LEPR: variants seen among roughly 807,000 people sequenced by gnomAD.
The protein encoded by LEPR is OB receptor.
Under a neutral mutation model 114.7 loss-of-function variants are expected in LEPR, and 56 were observed. The ratio of observed to expected loss-of-function variants is 0.49; its 90% CI spans 0.39 to 0.61. The LOEUF (loss-of-function observed/expected upper bound fraction) is 0.61, where lower values mean the gene tolerates loss of function less well. Among genes scored for constraint, LEPR ranks in the 20% least tolerant of loss-of-function variants. The pLI is 0.00. For synonymous variants in LEPR, 443 were observed against 461.4 expected, an observed-to-expected ratio of 0.96 and a Z score of 0.51; for missense variants, 1,202 against 1,352.9, an observed-to-expected ratio of 0.89 and a Z score of 1.75.
chr1:65,463,269 GTTGTTTGTGTCAGGTTTCCCCATTGC>G (rs1646968843), intron 2 of LEPR, among the ~76,000 whole-genome samples: 2 of 152,048 alleles, frequency 1.3e-5, no homozygotes, highest in Admixed American at 1.3e-4. Flanking sequence ...TCCCTATTTG[GTTGTTTGTGTCAGGTTTCCCCATTGC>G]TTGTTTGTGT....
intron 11 of LEPR, 82 bp from the exon 12 acceptor site, chr1:65,608,671 T>A: frequency 2.1e-6 from 3 of 1,427,104 alleles, no homozygotes; most frequent in Non-Finnish European, 2.9e-6. Flanking sequence ...TGAATACAGA[T>A]GTATGAAAAT....
At chr1:65,468,804 C>T (rs1325977779) in intron 2 of LEPR, among the ~76,000 whole-genome samples, 1 of 152,184 alleles carries the variant, frequency 6.6e-6, no homozygotes, top group Non-Finnish European at 1.5e-5. Context: ...CTCAAATCCC[C>T]ATAGCATCCA....
At chr1:65,609,901 A>C (rs752922377) in intron 12 of LEPR, 46 bp from the exon 13 acceptor site, 12 of 1,613,442 alleles carry the variant, frequency 7.4e-6, no homozygotes, top group African/African-American at 1.3e-5. Context: ...CTTTAGATAC[A>C]TATGTGTTGG....
At chr1:65,602,213 A>C (rs780904585) in intron 10 of LEPR, among the ~76,000 whole-genome samples, 1 of 152,064 alleles carries the variant, frequency 6.6e-6, no homozygotes, top group East Asian at 1.9e-4. Flanking sequence ...ATTCTGAAAA[A>C]TTTGTATTTT....
chr1:65,556,004 C>T (rs1338607994), intron 2 of LEPR, among the ~76,000 whole-genome samples: 3 of 152,116 alleles, frequency 2.0e-5, no homozygotes, highest in Non-Finnish European at 2.9e-5. Flanking sequence ...CCACAGAATT[C>T]ATATGTTGAA....
At chr1:65,429,845 C>A in intron 2 of LEPR, 2 of 1,399,384 alleles carry the variant, frequency 1.4e-6, no homozygotes, top group Non-Finnish European at 1.9e-6. Flanking sequence ...TGGATTTTGC[C>A]TGGGTCCAAC....
rs1656249693 is a variant in LEPR at position 65,598,784 on chromosome 1, C to T, written c.974C>T (p.Pro325Leu). Residue 325 changes from proline (P) to leucine (L), a missense_variant, in exon 8 of 20, where the codon CCT becomes CTT. Coordinates refer to ENST00000349533, the MANE Select transcript of LEPR (RefSeq NM_002303.6). ...GGAATCTGGAGTGACTGGAGTACTC[C>T]TCGTGTCTTTACCACACAAGGTAGG... ...GPGIWSDWST[P>L]RVFTTQDVIY... The T allele has an allele frequency of 1.2e-6, 2 of 1,613,302 alleles. No homozygotes were observed. The highest frequency in any genetic ancestry group is 1.7e-6 in the Non-Finnish European group (2 of 1,179,466).
intron 5 of LEPR, among the ~76,000 whole-genome samples, chr1:65,592,248 A>ATTTTTTTTTT (rs58700529): frequency 8.5e-6 from 1 of 117,776 alleles, no homozygotes; most frequent in African/African-American, 3.2e-5. Context: ...ATCTGCTGTC[A>ATTTTTTTTTT]TTTTTTTTTT....
intron 19 of LEPR, chr1:65,630,505 G>A (rs1658472875): frequency 6.6e-6 from 1 of 150,998 alleles, no homozygotes; most frequent in Non-Finnish European, 1.5e-5. Flanking sequence ...TATTTAATGT[G>A]GTTATTTTTT....
At chr1:65,445,401 G>A (rs1646701241) in intron 2 of LEPR, among the ~76,000 whole-genome samples, 1 of 152,186 alleles carries the variant, frequency 6.6e-6, no homozygotes, top group Non-Finnish European at 1.5e-5. Context: ...TGCATGTGGG[G>A]CAAAGTTGCT....
At chr1:65,517,709 G>A (rs147551939) in intron 2 of LEPR, among the ~76,000 whole-genome samples, 55 of 152,234 alleles carry the variant, frequency 3.6e-4, no homozygotes, top group East Asian at 2.5e-3. Flanking sequence ...AGTCTAACTC[G>A]TCTCCCATCA....
intron 5 of LEPR, among the ~76,000 whole-genome samples, chr1:65,575,767 C>T (rs1553167379): frequency 6.6e-6 from 1 of 151,434 alleles, no homozygotes; most frequent in Non-Finnish European, 1.5e-5. Flanking sequence ...TGAATAGGAA[C>T]ATCTGTTTGC....
chr1:65,634,905 TTTCTC>T, intron 19 of LEPR: 2 of 825,358 alleles, frequency 2.4e-6, no homozygotes, highest in Non-Finnish European at 2.9e-6. Flanking sequence ...TAGGAACAGT[TTTCTC>T]TTCATATATT....
rs186577261 is a variant in LEPR, at chr1:65,507,253, C to T, written c.-20-58293C>T. 4.7e-3 allele frequency among the ~76,000 whole-genome samples: 711 copies of T among 151,952 alleles called. 6 individuals are homozygous for T. The highest frequency in any genetic ancestry group is 7.7e-3 in the Non-Finnish European group (526 of 67,924). ...TTTAGTAGAGACGGGATTTCACCAT[C>T]TTGGCCAGGGTAGTCTCGAACTGCT... is the stretch of plus-strand genomic sequence containing the variant. On this transcript the variant is annotated intron_variant, in intron 2 of 19. Transcript: ENST00000349533.
chr1:65,592,157 T>C (rs1655737802), intron 5 of LEPR, among the ~76,000 whole-genome samples: 1 of 151,994 alleles, frequency 6.6e-6, no homozygotes, highest in Non-Finnish European at 1.5e-5. Flanking sequence ...ACACCACGGA[T>C]CTATTATTTT....
chr1:65,488,241 T>TTTTTCTTTCG (rs1647669846), intron 2 of LEPR, among the ~76,000 whole-genome samples: 1 of 138,468 alleles, frequency 7.2e-6, no homozygotes, highest in African/African-American at 2.9e-5. Context: ...TCTTTCTTTC[T>TTTTTCTTTCG]TTCTTTCTTT....
chr1:65,515,114 A>C (rs192979997), intron 2 of LEPR, among the ~76,000 whole-genome samples: 2 of 152,284 alleles, frequency 1.3e-5, no homozygotes, highest in Admixed American at 6.5e-5. Flanking sequence ...GTGGTGGGTG[A>C]TGGTTGAGGG....
At chr1:65,513,841 G>C (rs934543137) in intron 2 of LEPR, among the ~76,000 whole-genome samples, 2 of 152,146 alleles carry the variant, frequency 1.3e-5, no homozygotes, top group Admixed American at 1.3e-4. Flanking sequence ...TATTTCTCAA[G>C]ATTTATTCCC....
At chr1:65,423,024 C>T (rs539238612) in intron 1 of LEPR, among the ~76,000 whole-genome samples, 1 of 152,304 alleles carries the variant, frequency 6.6e-6, no homozygotes, top group East Asian at 1.9e-4. Flanking sequence ...CCTTGACCTA[C>T]TGATTCATTG....
Sources: allele counts gnomAD v4.1 joint callset (sites outside exome capture counted in the v4.1 genomes callset), GRCh38; gene constraint gnomAD v4.1.1; transcripts MANE v1.5; gene names NCBI Gene and HGNC (gene_info 2026-07-23, HGNC 2026-07-21).